Variants in FALEC observed in about 807,000 individuals in gnomAD.
FALEC encodes focally amplified lncRNA regulator of ECM1.
At chr1:150,530,747 C>T in the FALEC span, among the ~76,000 whole-genome samples, 1 of 152,218 alleles carries the variant, frequency 6.6e-6, no homozygotes, top group African/African-American at 2.4e-5. Flanking sequence ...GCAACACCCG[C>T]GCCCTTCCTC....
the FALEC span, among the ~76,000 whole-genome samples, chr1:150,531,785 G>A: frequency 6.6e-6 from 1 of 152,200 alleles, no homozygotes; most frequent in Admixed American, 6.5e-5. Flanking sequence ...CCTGCTTCTA[G>A]TTAGCCCATG....
chr1:150,533,712 C>T, the FALEC span, among the ~76,000 whole-genome samples: 2 of 152,104 alleles, frequency 1.3e-5, no homozygotes, highest in African/African-American at 2.4e-5. Context: ...GTTGGGATTA[C>T]AGGCATGAGC....
At chr1:150,522,949 G>GTA (rs1156284115), downstream of FALEC, among the ~76,000 whole-genome samples, 1 of 21,656 alleles carries the variant, frequency 4.6e-5, no homozygotes, top group African/African-American at 1.9e-4. Context: ...GTGTGTGTGT[G>GTA]TATATATATA....
chr1:150,522,628 A>C (rs1433981107), downstream of FALEC, among the ~76,000 whole-genome samples: 1 of 151,664 alleles, frequency 6.6e-6, no homozygotes, highest in African/African-American at 2.4e-5. Flanking sequence ...GTCAAAAAAA[A>C]AAAAAAAACA....
chr1:150,522,888 C>T (rs1300837075), downstream of FALEC, among the ~76,000 whole-genome samples: 79 of 47,536 alleles, frequency 1.7e-3, 2 homozygotes, highest in Admixed American at 2.7e-3. Context: ...TATATATATA[C>T]GTATATATAT....
downstream of FALEC, among the ~76,000 whole-genome samples, chr1:150,521,935 TTAAG>T (rs1156290228): frequency 2.4e-4 from 37 of 152,314 alleles, no homozygotes; most frequent in African/African-American, 7.9e-4. Flanking sequence ...TACAGATTCT[TTAAG>T]TAAGTCTTAA....
chr1:150,527,835 G>A, the FALEC span, among the ~76,000 whole-genome samples: 10 of 152,226 alleles, frequency 6.6e-5, no homozygotes, highest in Middle Eastern at 3.4e-3. Flanking sequence ...GGGCGACGTA[G>A]CAAGGCTCCA....
chr1:150,518,065 ATTC>A (rs1346020765), downstream of FALEC: 15 of 152,234 alleles, frequency 9.9e-5, no homozygotes, highest in African/African-American at 3.4e-4. Context: ...TCAAAAATGA[ATTC>A]TTCTAGGTAT....
the FALEC span, among the ~76,000 whole-genome samples, chr1:150,535,507 T>C: frequency 5.3e-5 from 8 of 152,298 alleles, 1 homozygote; most frequent in Middle Eastern, 6.8e-3. Context: ...GCCTCCCAAA[T>C]TGCTGGGATT....
the FALEC span, among the ~76,000 whole-genome samples, chr1:150,527,414 A>G: frequency 2.4e-4 from 36 of 150,884 alleles, no homozygotes; most frequent in African/African-American, 8.5e-4. Flanking sequence ...GCCCACCACC[A>G]CGCCTGGCTA....
the FALEC span, among the ~76,000 whole-genome samples, chr1:150,535,726 G>C: frequency 5.9e-5 from 9 of 152,186 alleles, no homozygotes; most frequent in Admixed American, 2.0e-4. Context: ...CCAGGGAGCC[G>C]AGGCAGCCTG....
the FALEC span, among the ~76,000 whole-genome samples, chr1:150,529,722 C>T: frequency 6.6e-6 from 1 of 151,990 alleles, no homozygotes; most frequent in Non-Finnish European, 1.5e-5. Flanking sequence ...CTCAGTCTCC[C>T]GAGTAGCTGG....
At chr1:150,527,250 T>C in the FALEC span, among the ~76,000 whole-genome samples, 1 of 148,678 alleles carries the variant, frequency 6.7e-6, no homozygotes, top group South Asian at 2.1e-4. Context: ...CTATTTTTAT[T>C]TTTTATTTAT....
At chr1:150,536,304 T>TAAGAGCAA in the FALEC span, among the ~76,000 whole-genome samples, 1 of 152,162 alleles carries the variant, frequency 6.6e-6, no homozygotes, top group East Asian at 1.9e-4. Flanking sequence ...AGGCAGGTGG[T>TAAGAGCAA]GGCCATAGAA....
At chr1:150,528,023 A>G in the FALEC span, among the ~76,000 whole-genome samples, 2 of 152,104 alleles carry the variant, frequency 1.3e-5, no homozygotes, top group African/African-American at 4.8e-5. Context: ...GTATTATGGA[A>G]GAAATCATGA....
chr1:150,516,095 A>C (rs1670565749), intron 1 of FALEC: 5 of 152,028 alleles, frequency 3.3e-5, no homozygotes, highest in African/African-American at 1.2e-4. Flanking sequence ...AATACAAAAA[A>C]AAAAAAAAAT....
chr1:150,522,988 T>A (rs1280378390), downstream of FALEC, among the ~76,000 whole-genome samples: 4 of 78,926 alleles, frequency 5.1e-5, no homozygotes, highest in African/African-American at 2.0e-4. Context: ...TATATATTTT[T>A]TTTTTTTTTT....
the FALEC span, among the ~76,000 whole-genome samples, chr1:150,525,414 A>G: frequency 1.3e-5 from 2 of 152,208 alleles, no homozygotes; most frequent in East Asian, 1.9e-4. Context: ...GCAGTCAGCC[A>G]TGATTGCACC....
chr1:150,520,005 C>T (rs755492292), downstream of FALEC, among the ~76,000 whole-genome samples: 7 of 151,954 alleles, frequency 4.6e-5, no homozygotes, highest in South Asian at 2.1e-4. Context: ...CAAAATTAGC[C>T]GGGTGTGGTG....
Sources: allele counts gnomAD v4.1 joint callset (sites outside exome capture counted in the v4.1 genomes callset), GRCh38; gene constraint gnomAD v4.1.1; transcripts MANE v1.5; gene names NCBI Gene and HGNC (gene_info 2026-07-23, HGNC 2026-07-21).